TTBK1: variants seen among roughly 807,000 people sequenced by gnomAD.
TTBK1 encodes tau-tubulin kinase 1.
In TTBK1, 34 loss-of-function variants were observed where a neutral mutation model predicts 108.5. The ratio of observed to expected loss-of-function variants is 0.31; its 90% confidence interval spans 0.24 to 0.42. The LOEUF (loss-of-function observed/expected upper bound fraction) is 0.42, where lower values mean the gene tolerates loss of function less well. TTBK1 is among the 10% of genes least tolerant of loss of function. The pLI, the probability that TTBK1 is intolerant of heterozygous loss-of-function variation, is 1.00. For synonymous variants in TTBK1, 809 were observed against 795.1 expected, an observed-to-expected ratio of 1.02 and a Z score of -0.29; for missense variants, 1,539 against 1,826.0, an observed-to-expected ratio of 0.84 and a Z score of 2.86.
chr6:43,276,314 T>A lies in TTBK1; in HGVS notation c.1987-6413T>A, dbSNP rs1226771061. On this transcript the variant is annotated intron_variant, in intron 13 of 14. Coordinates refer to ENST00000259750, the MANE Select transcript of TTBK1 (RefSeq NM_032538.3). The surrounding 1 kb of genome is among the most constrained non-coding windows in gnomAD (Gnocchi z 5.4). ...CGCACACGAAGATGGGACGCTTTTTTTCTTCCTCTCTCTCTCCGGGGTGCG... is the reference window on the plus strand; with the variant it reads ...CGCACACGAAGATGGGACGCTTTTTATCTTCCTCTCTCTCTCCGGGGTGCG... Among the ~76,000 whole-genome samples the A allele has an allele frequency of 1.3e-5, 2 of 152,150 alleles. No homozygotes were observed. Among genetic ancestry groups the A allele is most frequent in the African/African-American group, 4.8e-5 (2 of 41,432 alleles).
At position 43,255,711 on chromosome 6, in the gene TTBK1, C is replaced by T. The variant is rs772590031; in HGVS notation, c.736-20C>T. The T allele has an allele frequency of 1.2e-5, 20 of 1,614,016 alleles. No homozygotes were observed. Among genetic ancestry groups the T allele is most frequent in the Non-Finnish European group, 1.5e-5 (18 of 1,180,010 alleles). Reference sequence around the variant, plus strand: ...TCAGGGCAGCTGGGACTCCATCTCCCTGTGGCCTCTTGCCTCCAGGAACAG... The same window carrying T: ...TCAGGGCAGCTGGGACTCCATCTCCTTGTGGCCTCTTGCCTCCAGGAACAG... On this transcript the variant is annotated intron_variant, in intron 8 of 14. Transcript: ENST00000259750.
rs1395193458 is a variant in TTBK1, at chr6:43,272,718, G to A, written c.1986+9368G>A. ...GCCACTTGTGTTGGATTAAGTTCAT[G>A]TGAAGCTCGGCAGAGCTTCACATGG... is the stretch of plus-strand genomic sequence containing the variant. On this transcript the variant is annotated intron_variant, in intron 13 of 14. Transcript: ENST00000259750. 14 of 979,422 alleles carry A rather than the reference G, an allele frequency of 1.4e-5. No individual in the cohort carries two copies. The South Asian group carries it at 5.2e-4, about 36-fold the overall frequency. 60.7% of individuals were successfully genotyped at this position (979,422 alleles called of 1,614,324 possible). A position where few individuals can be genotyped will look rare whatever the true frequency, so the allele number is the denominator to read the frequency against.
At chr6:43,278,262 A>C (rs1440890864) in intron 13 of TTBK1, among the ~76,000 whole-genome samples, 2 of 152,090 alleles carry the variant, frequency 1.3e-5, no homozygotes, top group Non-Finnish European at 2.9e-5. Context: ...TTTCCTCCTA[A>C]CTGGAGTAAA....
At chr6:43,247,432 G>C (rs1777123670) in intron 2 of TTBK1, among the ~76,000 whole-genome samples, 1 of 152,220 alleles carries the variant, frequency 6.6e-6, no homozygotes, top group Admixed American at 6.5e-5. Context: ...TATTTGGGGA[G>C]CGAGACCTAC....
chr6:43,271,269 C>T (rs1029183728), intron 13 of TTBK1: 2 of 985,484 alleles, frequency 2.0e-6, no homozygotes, highest in Non-Finnish European at 2.4e-6. Flanking sequence ...CATGCGCGTA[C>T]ACTTGTGCAT....
rs1778329540 is a variant in TTBK1, at chr6:43,285,125, A to G, written c.3715A>G (p.Thr1239Ala). The G allele has an allele frequency of 6.9e-7, 1 of 1,459,536 alleles. No individual in the cohort carries two copies. Among genetic ancestry groups the G allele is most frequent in the Non-Finnish European group, 9.0e-7 (1 of 1,113,128 alleles). The allele number at this position is 1,459,536 out of a possible 1,614,324, so 90.4% of individuals were successfully genotyped here. A position where few individuals can be genotyped will look rare whatever the true frequency, so the allele number is the denominator to read the frequency against. ...APRSPRLPAS[T>A]SAARNASASP... Reference sequence around the variant, plus strand: ...GCGCAGCCCGCGCCTCCCCGCGTCCACATCCGCCGCGCGCAATGCCAGCGC... The same window carrying G: ...GCGCAGCCCGCGCCTCCCCGCGTCCGCATCCGCCGCGCGCAATGCCAGCGC... Residue 1239 changes from threonine to alanine, a missense_variant, in exon 15 of 15, where the codon ACA becomes GCA. Thr to Ala is a moderately conservative substitution (Grantham distance 58). Coordinates refer to ENST00000259750, the MANE Select transcript of TTBK1 (RefSeq NM_032538.3). This position sits in a 1 kb window ranked among gnomAD's most constrained non-coding sequence, Gnocchi z 4.7.
At position 43,283,305 on chromosome 6, in the gene TTBK1, C is replaced by A; in HGVS notation, c.2565C>A (p.Pro855=). The change falls in exon 14 of 15, where the codon CCC becomes CCA. Residue 855 remains proline, a synonymous_variant. Transcript: ENST00000259750. The surrounding 1 kb of genome is among the most constrained non-coding windows in gnomAD (Gnocchi z 8.1). ...KKSPVTAELA[P]DPDLGTLAAL... ...CGCCCGTCACTGCCGAACTGGCCCC[C>A]GACCCCGACCTGGGCACCCTGGCTG... is the stretch of plus-strand genomic sequence containing the variant. The A allele has an allele frequency of 6.3e-7, 1 of 1,576,136 alleles. No individual in the cohort carries two copies. Among genetic ancestry groups the A allele is most frequent in the East Asian group, 2.4e-5 (1 of 42,456 alleles).
chr6:43,246,647 C>T lies in TTBK1; in HGVS notation c.-14C>T. On this transcript the variant is annotated 5_prime_UTR_variant, in exon 2 of 15. Coordinates refer to ENST00000259750, the MANE Select transcript of TTBK1 (RefSeq NM_032538.3). ...AGGGCAGGCCCGGCGGACACCCCTC[C>T]CTCTGGCTGGCGGATGCAGTGCCTA... 1 of 1,588,144 alleles carries T rather than the reference C, an allele frequency of 6.3e-7. No individual in the cohort carries two copies. The highest frequency in any genetic ancestry group is 8.6e-7 in the Non-Finnish European group (1 of 1,165,302).
chr6:43,271,659 G>A (rs957824300), intron 13 of TTBK1: 31 of 985,228 alleles, frequency 3.1e-5, no homozygotes, highest in Non-Finnish European at 3.3e-5. Context: ...GAGCCAAACT[G>A]TCCACACAGA....
At chr6:43,280,968 G>A (rs910438155) in intron 13 of TTBK1, among the ~76,000 whole-genome samples, 37 of 152,190 alleles carry the variant, frequency 2.4e-4, no homozygotes, top group Admixed American at 4.6e-4. Context: ...GGAATGCGTG[G>A]AGTGTAGGCA....
At chr6:43,254,872 A>G (rs925368291) in intron 6 of TTBK1, among the ~76,000 whole-genome samples, 177 bp from the exon 7 acceptor site, 7 of 150,780 alleles carry the variant, frequency 4.6e-5, no homozygotes, top group African/African-American at 1.7e-4. Context: ...TTTCCTCCCC[A>G]CTCTGGGCAG....
chr6:43,260,749 TGAACCCCAG>T (rs1777519296), intron 12 of TTBK1, among the ~76,000 whole-genome samples: 1 of 152,130 alleles, frequency 6.6e-6, no homozygotes, highest in African/African-American at 2.4e-5. Flanking sequence ...TGGCTCACAG[TGAACCCCAG>T]TTGCAGGGAT....
Position 43,271,791 on chromosome 6 carries a change from A to G in TTBK1, c.1986+8441A>G, listed in dbSNP as rs1777841118. 2.2e-5 allele frequency: 22 copies of G among 981,840 alleles called. 1 individual carries two copies. In the South Asian group the frequency reaches 8.0e-4, roughly 36 times the overall value. 60.8% of individuals were successfully genotyped at this position (981,840 alleles called of 1,614,324 possible). ...TATTTATTTATTTATTTATTTATTT[A>G]TTTTTGAGGATGTCTGGGCCAAGAG... On this transcript the variant is annotated intron_variant, in intron 13 of 14. Coordinates refer to ENST00000259750, the MANE Select transcript of TTBK1 (RefSeq NM_032538.3).
intron 13 of TTBK1, chr6:43,272,643 T>C (rs1264344931): frequency 9.1e-6 from 9 of 985,260 alleles, no homozygotes; most frequent in Non-Finnish European, 1.1e-5. Flanking sequence ...CTTAATAATA[T>C]TATCTTTTCG....
At position 43,282,464 on chromosome 6, in the gene TTBK1, C is replaced by T. The variant is rs1383751548; in HGVS notation, c.1987-263C>T. ...GGCAGAAAGGCCACCAGGATCAGGG[C>T]CTGGGACTTCAGGGGACCTAGAGCA... On this transcript the variant is annotated intron_variant, in intron 13 of 14. Transcript: ENST00000259750. This position sits in a 1 kb window ranked among gnomAD's most constrained non-coding sequence, Gnocchi z 5.4. 6.6e-6 allele frequency among the ~76,000 whole-genome samples: 1 copy of T among 152,188 alleles called. No homozygotes were observed. The highest frequency in any genetic ancestry group is 6.5e-5 in the Admixed American group (1 of 15,278).
At chr6:43,254,248 C>A (rs1397232203) in intron 5 of TTBK1, among the ~76,000 whole-genome samples, 1 of 152,238 alleles carries the variant, frequency 6.6e-6, no homozygotes, top group Non-Finnish European at 1.5e-5. Flanking sequence ...GCTGGGGAGT[C>A]CCAAAAATGT....
In TTBK1 at chr6:43,253,844, T is replaced by A; in HGVS notation, c.471+136T>A. 1 of 1,155,402 alleles carries A rather than the reference T, an allele frequency of 8.7e-7. No individual in the cohort carries two copies. Among genetic ancestry groups the A allele is most frequent in the Non-Finnish European group, 1.2e-6 (1 of 842,468 alleles). The allele number at this position is 1,155,402 out of a possible 1,614,324, so 71.6% of individuals were successfully genotyped here. A position where few individuals can be genotyped will look rare whatever the true frequency, so the allele number is the denominator to read the frequency against. ...GGACAGCCTCTTCTCCCCAAGCCCCTCCTGCTCTCCTTCCCAGGCCCCATC... is the reference window on the plus strand; with the variant it reads ...GGACAGCCTCTTCTCCCCAAGCCCCACCTGCTCTCCTTCCCAGGCCCCATC... On this transcript the variant is annotated intron_variant, in intron 5 of 14. Coordinates refer to ENST00000259750, the MANE Select transcript of TTBK1 (RefSeq NM_032538.3). The surrounding 1 kb of genome is among the most constrained non-coding windows in gnomAD (Gnocchi z 5.8).
chr6:43,249,764 A>G (rs530788352), intron 2 of TTBK1, among the ~76,000 whole-genome samples: 2 of 152,076 alleles, frequency 1.3e-5, no homozygotes, highest in South Asian at 4.2e-4. Flanking sequence ...TTTAGTAGAG[A>G]TGGGGTTTCA....
chr6:43,278,224 A>T (rs915458496), intron 13 of TTBK1, among the ~76,000 whole-genome samples: 1 of 152,212 alleles, frequency 6.6e-6, no homozygotes, highest in African/African-American at 2.4e-5. Context: ...ATTGAAGATC[A>T]GAGTCTGGTC....
Sources: allele counts gnomAD v4.1 joint callset (sites outside exome capture counted in the v4.1 genomes callset), GRCh38; gene constraint gnomAD v4.1.1; non-coding constraint Gnocchi (gnomAD v3.1); transcripts MANE v1.5; gene names NCBI Gene and HGNC (gene_info 2026-07-23, HGNC 2026-07-21).